AUTS2: variants seen among roughly 807,000 people sequenced by gnomAD.
The protein encoded by AUTS2 is activator of transcription and developmental regulator AUTS2.
Under a neutral mutation model 112.4 loss-of-function variants are expected in AUTS2, and 17 were observed. The ratio of observed to expected loss-of-function variants is 0.15; its 90% CI spans 0.10 to 0.23. The LOEUF (loss-of-function observed/expected upper bound fraction) is 0.23. AUTS2 is among the 10% of genes least tolerant of loss of function. The pLI is 1.00. For missense variants in AUTS2, 1,510 were observed against 1,701.6 expected (o/e 0.89, Z 1.98); for synonymous variants, 751 against 702.7 (o/e 1.07, Z -1.09).
At chr7:70,689,193 G>GA (rs1808619223) in intron 5 of AUTS2, among the ~76,000 whole-genome samples, 1 of 151,886 alleles carries the variant, frequency 6.6e-6, no homozygotes. Flanking sequence ...ACCATCTCTA[G>GA]AAAAAAATTT....
intron 13 of AUTS2, 23 bp downstream of exon 13, chr7:70,775,409 T>C (rs1790622162): frequency 1.9e-6 from 3 of 1,603,630 alleles, no homozygotes; most frequent in South Asian, 1.1e-5. Context: ...CTTATAGAAC[T>C]GTTTTGCAAC....
At chr7:70,284,172 A>G (rs966327237) in intron 4 of AUTS2, among the ~76,000 whole-genome samples, 3 of 152,230 alleles carry the variant, frequency 2.0e-5, no homozygotes, top group Admixed American at 1.3e-4. Flanking sequence ...CGATTTTTCC[A>G]CATCAATACC....
intron 1 of AUTS2, among the ~76,000 whole-genome samples, chr7:69,600,344 G>A (rs1376807715): frequency 6.6e-6 from 1 of 151,828 alleles, no homozygotes; most frequent in South Asian, 2.1e-4. Flanking sequence ...GCTGGTGGAA[G>A]TCTCTTTGCT....
chr7:69,888,735 G>A (rs1031204922), intron 1 of AUTS2, among the ~76,000 whole-genome samples: 3 of 151,310 alleles, frequency 2.0e-5, no homozygotes, highest in African/African-American at 7.3e-5. Flanking sequence ...CTCCACGCCT[G>A]GCTAATTTTT....
chr7:70,411,203 GA>G (rs199776273), intron 4 of AUTS2, among the ~76,000 whole-genome samples: 23 of 150,186 alleles, frequency 1.5e-4, no homozygotes, highest in South Asian at 1.5e-3. Flanking sequence ...TCACTGCCCT[GA>G]AAAAAAAATG....
chr7:70,573,167 TG>T (rs1445792088), intron 5 of AUTS2, among the ~76,000 whole-genome samples: 4 of 152,198 alleles, frequency 2.6e-5, no homozygotes, highest in African/African-American at 7.2e-5. Context: ...TTTGCCTGTG[TG>T]GGGTTGGAAT....
At chr7:70,759,582 G>T (rs1283284069) in intron 6 of AUTS2, among the ~76,000 whole-genome samples, 1 of 152,210 alleles carries the variant, frequency 6.6e-6, no homozygotes, top group African/African-American at 2.4e-5. Flanking sequence ...TGTTGGAGGT[G>T]GTGCTGACGG....
chr7:69,663,393 T>A (rs1290497503), intron 1 of AUTS2: 1 of 152,154 alleles, frequency 6.6e-6, no homozygotes, highest in Non-Finnish European at 1.5e-5. Flanking sequence ...ATGCTTCATA[T>A]GTGATGTGCC....
chr7:69,883,971 A>G (rs889458256), intron 1 of AUTS2, among the ~76,000 whole-genome samples: 6 of 152,216 alleles, frequency 3.9e-5, no homozygotes, highest in Admixed American at 1.3e-4. Context: ...GGTGACATCA[A>G]TAAATCCTTC....
intron 1 of AUTS2, among the ~76,000 whole-genome samples, chr7:69,877,024 T>G (rs1415841436): frequency 6.6e-6 from 1 of 152,148 alleles, no homozygotes; most frequent in African/African-American, 2.4e-5. Context: ...AAGTCTTCAT[T>G]ATGTTGTTAG....
intron 2 of AUTS2, among the ~76,000 whole-genome samples, chr7:69,976,523 G>A (rs1798066828): frequency 6.6e-6 from 1 of 152,146 alleles, no homozygotes; most frequent in Admixed American, 6.5e-5. Flanking sequence ...GTAGTTCTGT[G>A]TTAAATTTTT....
intron 5 of AUTS2, among the ~76,000 whole-genome samples, chr7:70,652,997 A>G (rs888900994): frequency 2.0e-5 from 3 of 151,992 alleles, no homozygotes; most frequent in South Asian, 4.2e-4. Context: ...GCTCATGCCT[A>G]TAATCCCAGC....
intron 1 of AUTS2, among the ~76,000 whole-genome samples, chr7:69,603,114 T>G (rs1418617707): frequency 6.6e-6 from 1 of 152,200 alleles, no homozygotes; most frequent in Non-Finnish European, 1.5e-5. Flanking sequence ...TGTTTAGAAA[T>G]GAAATCAGTT....
chr7:69,841,329 A>C (rs1791971402), intron 1 of AUTS2, among the ~76,000 whole-genome samples: 1 of 152,152 alleles, frequency 6.6e-6, no homozygotes, highest in Non-Finnish European at 1.5e-5. Context: ...CACATGACGA[A>C]AGCAGGAGCA....
intron 5 of AUTS2, among the ~76,000 whole-genome samples, chr7:70,507,859 C>A (rs1799028055): frequency 6.6e-6 from 1 of 152,156 alleles, no homozygotes; most frequent in Non-Finnish European, 1.5e-5. Flanking sequence ...TAAGATGGGG[C>A]ACCTGAAAAG....
chr7:69,710,521 CTT>C (rs1490621959), intron 1 of AUTS2, among the ~76,000 whole-genome samples: 2 of 152,186 alleles, frequency 1.3e-5, no homozygotes, highest in Non-Finnish European at 2.9e-5. Flanking sequence ...GAGTACCTAT[CTT>C]TATGAGTAAG....
intron 1 of AUTS2, among the ~76,000 whole-genome samples, chr7:69,896,529 T>C (rs749840922): frequency 1.3e-5 from 2 of 152,038 alleles, no homozygotes; most frequent in Middle Eastern, 3.2e-3. Context: ...ATACCAGCAG[T>C]GCACACTAGA....
intron 1 of AUTS2, among the ~76,000 whole-genome samples, chr7:69,608,519 G>A (rs1792856632): frequency 6.6e-6 from 1 of 152,082 alleles, no homozygotes; most frequent in Admixed American, 6.5e-5. Context: ...TTTTCTTCTA[G>A]ATCTCTTTGT....
At chr7:69,994,105 C>T (rs1798849904) in intron 2 of AUTS2, among the ~76,000 whole-genome samples, 1 of 151,990 alleles carries the variant, frequency 6.6e-6, no homozygotes, top group Non-Finnish European at 1.5e-5. Flanking sequence ...GGTGCATGTG[C>T]CTGTTGTCCC....
Sources: gnomAD v4.1 joint callset for allele counts (sites outside exome capture counted in the v4.1 genomes callset) on GRCh38, gnomAD v4.1.1 for gene constraint, MANE v1.5 for transcripts, NCBI Gene and HGNC (gene_info 2026-07-23, HGNC 2026-07-21) for gene names.